WNK3: variants seen among roughly 807,000 people sequenced by gnomAD.
WNK3 encodes the protein serine/threonine-protein kinase WNK3.
A neutral mutation model predicts 116.7 loss-of-function variants in WNK3; 18 were observed. That is an observed-to-expected ratio of 0.15 (90% confidence interval 0.11 to 0.23). The LOEUF (loss-of-function observed/expected upper bound fraction) is 0.23. WNK3 is among the 10% of genes least tolerant of loss of function. The pLI is 1.00. For synonymous variants in WNK3, 404 were observed against 469.4 expected (o/e 0.86, Z 1.80); for missense variants, 993 against 1,323.8 (o/e 0.75, Z 3.88).
chrX:54,284,393 G>A (rs2068555828), intron 10 of WNK3, among the ~76,000 whole-genome samples: 1 of 111,632 alleles, frequency 9.0e-6, no homozygotes, highest in Admixed American at 9.6e-5. Flanking sequence ...ATGCTGGTGA[G>A]GGTGTGGAGC....
In WNK3 at chrX:54,317,654, C is replaced by T. The variant is rs1194518063; in HGVS notation, c.538-6363G>A. Among the ~76,000 whole-genome samples, 6 of 105,322 alleles carry T rather than the reference C, an allele frequency of 5.7e-5. No homozygotes were observed. In the East Asian group the frequency reaches 9.1e-4, roughly 16 times the overall value. 91.5% of individuals were successfully genotyped at this position (105,322 alleles called of 115,157 possible). ...TTTTTTTTTTCTTTTTTTTTTGAGACGGAATCTCGCTCTGTCGCCCAGGCT... is the reference window on the plus strand; with the variant it reads ...TTTTTTTTTTCTTTTTTTTTTGAGATGGAATCTCGCTCTGTCGCCCAGGCT... On this transcript the variant is annotated intron_variant, in intron 2 of 23. Coordinates refer to ENST00000354646, the Ensembl canonical transcript of WNK3.
rs1243584342 is a variant in WNK3 at position 54,298,163 on chromosome X, T to C, written c.1398+12A>G. On this transcript the variant is annotated intron_variant, in intron 7 of 23. Transcript: ENST00000354646. ...ATAAGAGGTGAGGGGAATAGTGGTATGATTAACTTACCATTTCATATGCTA... is the reference window on the plus strand; with the variant it reads ...ATAAGAGGTGAGGGGAATAGTGGTACGATTAACTTACCATTTCATATGCTA... 3 of 1,067,875 alleles carry C rather than the reference T, an allele frequency of 2.8e-6. No individual in the cohort carries two copies. The Admixed American group carries it at 6.6e-5, about 23-fold the overall frequency. 88.0% of individuals were successfully genotyped at this position (1,067,875 alleles called of 1,213,427 possible).
intron 5 of WNK3, among the ~76,000 whole-genome samples, chrX:54,306,354 C>T (rs970573541): frequency 9.0e-6 from 1 of 111,521 alleles, no homozygotes. Flanking sequence ...CCTATGTTCA[C>T]TGCATCACTA....
intron 1 of WNK3, among the ~76,000 whole-genome samples, chrX:54,345,732 G>A (rs1170599705): frequency 9.5e-6 from 1 of 105,696 alleles, no homozygotes; most frequent in Non-Finnish European, 1.9e-5. Flanking sequence ...GTTGCAATGA[G>A]CCAAGATCGC....
exon 24 of WNK3, chrX:54,193,611 A>T (rs1193560503): frequency 3.6e-5 from 4 of 110,986 alleles, no homozygotes; most frequent in Non-Finnish European, 5.7e-5. Context: ...TAACCTAGTT[A>T]CTATCCCAGG....
At chrX:54,306,432 T>C (rs1219877412) in intron 5 of WNK3, among the ~76,000 whole-genome samples, 1 of 112,117 alleles carries the variant, frequency 8.9e-6, no homozygotes, top group Non-Finnish European at 1.9e-5. Context: ...AAATGTGGTA[T>C]ATATATACAA....
At chrX:54,218,321 T>C (rs1017796069) in intron 22 of WNK3, among the ~76,000 whole-genome samples, 12 of 110,638 alleles carry the variant, frequency 1.1e-4, no homozygotes, top group African/African-American at 3.6e-4. Flanking sequence ...AAACTGTATA[T>C]CCAAACTTAG....
intron 22 of WNK3, among the ~76,000 whole-genome samples, chrX:54,216,318 G>A (rs997550155): frequency 8.6e-5 from 9 of 104,661 alleles, no homozygotes; most frequent in Middle Eastern, 4.3e-3. Context: ...TATATATTTT[G>A]CAGCACCCTG....
At chrX:54,341,194 C>T (rs782120949) in intron 1 of WNK3, among the ~76,000 whole-genome samples, 52 of 110,737 alleles carry the variant, frequency 4.7e-4, no homozygotes, top group African/African-American at 1.6e-3. Context: ...GTCAGGAGTT[C>T]GAGACCAGCC....
At chrX:54,269,155 C>T (rs1412023097) in intron 10 of WNK3, among the ~76,000 whole-genome samples, 1 of 110,267 alleles carries the variant, frequency 9.1e-6, no homozygotes, top group African/African-American at 3.3e-5. Context: ...AACTGAGAGA[C>T]ATTCTATAAA....
At chrX:54,276,511 A>C (rs782726302) in intron 10 of WNK3, among the ~76,000 whole-genome samples, 17 of 111,476 alleles carry the variant, frequency 1.5e-4, no homozygotes, top group Non-Finnish European at 3.2e-4. Flanking sequence ...AAGGTTCAAA[A>C]ATCTTCAACA....
chrX:54,346,143 T>C (rs2069423110), intron 1 of WNK3, among the ~76,000 whole-genome samples: 1 of 105,314 alleles, frequency 9.5e-6, no homozygotes, highest in Non-Finnish European at 1.9e-5. Context: ...TATATATATA[T>C]GTTGTGTTTA....
At chrX:54,272,201 T>C (rs1312011624) in intron 10 of WNK3, among the ~76,000 whole-genome samples, 3 of 112,250 alleles carry the variant, frequency 2.7e-5, no homozygotes, top group Non-Finnish European at 5.6e-5. Context: ...TTCCATGTAA[T>C]GGAATTAACT....
intron 5 of WNK3, 140 bp from the exon 6 acceptor site, chrX:54,301,999 G>T: frequency 1.3e-5 from 6 of 457,285 alleles, no homozygotes; most frequent in Non-Finnish European, 2.2e-5. Flanking sequence ...TGTATATATA[G>T]AGAACATAAG....
intron 1 of WNK3, among the ~76,000 whole-genome samples, chrX:54,341,680 C>T (rs1171660767): frequency 9.0e-6 from 1 of 111,152 alleles, no homozygotes; most frequent in African/African-American, 3.3e-5. Flanking sequence ...TTATGCTAAG[C>T]GAAAGACGTC....
chrX:54,237,500 C>G, exon 20 of WNK3: 1 of 1,179,403 alleles, frequency 8.5e-7, no homozygotes, highest in Non-Finnish European at 1.1e-6. Context: ...GATATGTGTT[C>G]TATTCCAAAA....
At chrX:54,252,830 A>G (rs1464774313) in intron 13 of WNK3, among the ~76,000 whole-genome samples, 2 of 110,855 alleles carry the variant, frequency 1.8e-5, no homozygotes, top group African/African-American at 6.5e-5. Context: ...TTGGCTAGAA[A>G]TGCATACACA....
chrX:54,269,796 TG>T (rs1356440881), intron 10 of WNK3, among the ~76,000 whole-genome samples: 12 of 109,971 alleles, frequency 1.1e-4, no homozygotes. Context: ...TCTAGGGGGC[TG>T]GAAGTGTTCT....
chrX:54,324,570 G>C (rs1397490333), intron 2 of WNK3, among the ~76,000 whole-genome samples: 1 of 112,250 alleles, frequency 8.9e-6, no homozygotes, highest in Non-Finnish European at 1.9e-5. Flanking sequence ...ACAGAGATGA[G>C]AACATGTATA....
Sources: gnomAD v4.1 joint callset for allele counts (sites outside exome capture counted in the v4.1 genomes callset) on GRCh38, gnomAD v4.1.1 for gene constraint, MANE v1.5 for transcripts, NCBI Gene and HGNC (gene_info 2026-07-23, HGNC 2026-07-21) for gene names.